KATNBL1: variants seen among roughly 807,000 people sequenced by gnomAD.
The protein encoded by KATNBL1 is katanin regulatory subunit B1 like 1.
In KATNBL1, 28 loss-of-function variants were observed where a neutral mutation model predicts 44.7. That is an observed-to-expected ratio of 0.63 (90% CI 0.46 to 0.86). The LOEUF (loss-of-function observed/expected upper bound fraction) is 0.86, where lower values mean the gene tolerates loss of function less well. Ranked by LOEUF, KATNBL1 falls within the 40% of genes least tolerant of loss-of-function variation. KATNBL1 has a pLI of 0.00. For missense variants in KATNBL1, 272 were observed against 350.7 expected, an observed-to-expected ratio of 0.78 and a Z score of 1.79; for synonymous variants, 78 against 114.9, an observed-to-expected ratio of 0.68 and a Z score of 2.06.
chr15:34,209,016 C>T (rs1890364135), intron 1 of KATNBL1: 1 of 152,194 alleles, frequency 6.6e-6, no homozygotes, highest in African/African-American at 2.4e-5. Flanking sequence ...CAAAGTAAAG[C>T]TCTTAATACG....
intron 5 of KATNBL1, among the ~76,000 whole-genome samples, chr15:34,147,668 A>G (rs1215196790): frequency 6.6e-6 from 1 of 152,188 alleles, no homozygotes; most frequent in African/African-American, 2.4e-5. Flanking sequence ...ATAACAAGAC[A>G]TAAGACATAT....
intron 4 of KATNBL1, among the ~76,000 whole-genome samples, chr15:34,149,054 A>T (rs1369818527): frequency 6.6e-6 from 1 of 152,234 alleles, no homozygotes; most frequent in Non-Finnish European, 1.5e-5. Flanking sequence ...AAATGTAAAC[A>T]TGTAGGCTAG....
rs987282301 is a variant in KATNBL1, at chr15:34,141,489, T to C, written c.*850A>G. ...AAATCTATGTACAATAAAAAGTAAA[T>C]ATAAATTAGCCAAGTCCATGGACAT... On this transcript the variant is annotated 3_prime_UTR_variant, in exon 10 of 10. Transcript: ENST00000256544. 6.6e-6 allele frequency: 1 copy of C among 152,520 alleles called. No homozygotes were observed. Among genetic ancestry groups the C allele is most frequent in the Non-Finnish European group, 1.5e-5 (1 of 67,972 alleles). 9.4% of individuals were successfully genotyped at this position (152,520 alleles called of 1,614,324 possible).
Position 34,188,131 on chromosome 15 carries a change from G to A in KATNBL1, c.-15+21820C>T, listed in dbSNP as rs183961967. Among the ~76,000 whole-genome samples, 196 of 19,674 alleles carry A rather than the reference G, an allele frequency of 1.0e-2. 3 individuals are homozygous for A. Among genetic ancestry groups the A allele is most frequent in the African/African-American group, 0.021 (189 of 9,006 alleles). 12.9% of individuals were successfully genotyped at this position (19,674 alleles called of 152,430 possible). ...TCCAGCCTGGGTGACAGAGGAAGAC[G>A]CCATGTAAAAAAAAAAAAAAAAAAA... is the stretch of plus-strand genomic sequence containing the variant. On this transcript the variant is annotated intron_variant, in intron 1 of 9. Coordinates refer to ENST00000256544, the MANE Select transcript of KATNBL1 (RefSeq NM_024713.3).
chr15:34,155,180 T>C (rs965728489), intron 2 of KATNBL1, among the ~76,000 whole-genome samples: 31 of 152,206 alleles, frequency 2.0e-4, no homozygotes, highest in Non-Finnish European at 3.7e-4. Context: ...AAGCTGAACA[T>C]ACTGACATAC....
chr15:34,194,781 T>C (rs1889986838), intron 1 of KATNBL1, among the ~76,000 whole-genome samples: 1 of 152,040 alleles, frequency 6.6e-6, no homozygotes, highest in Non-Finnish European at 1.5e-5. Flanking sequence ...AATAATCCCA[T>C]TAAAAAACAG....
intron 1 of KATNBL1, among the ~76,000 whole-genome samples, chr15:34,202,219 T>C (rs1390848530): frequency 2.0e-5 from 3 of 152,222 alleles, no homozygotes; most frequent in Admixed American, 2.0e-4. Flanking sequence ...TGAGAGGATA[T>C]ACCAATAAAG....
At chr15:34,206,737 G>A (rs1030311858) in intron 1 of KATNBL1, among the ~76,000 whole-genome samples, 3 of 151,468 alleles carry the variant, frequency 2.0e-5, no homozygotes, top group African/African-American at 7.3e-5. Context: ...GTTGTGGTGA[G>A]TCAAGATCTT....
At chr15:34,151,567 T>C (rs1196057797) in intron 4 of KATNBL1, among the ~76,000 whole-genome samples, 1 of 148,176 alleles carries the variant, frequency 6.7e-6, no homozygotes, top group Non-Finnish European at 1.5e-5. Context: ...TTCTTGAGCG[T>C]CAGCCTCCCA....
At chr15:34,193,395 G>A (rs12917397) in intron 1 of KATNBL1, among the ~76,000 whole-genome samples, 86,610 of 151,446 alleles carry the variant, frequency 0.57, 25,779 homozygotes, top group East Asian at 0.71. Flanking sequence ...TTAGGCAGGC[G>A]TGGTGGCATA....
intron 1 of KATNBL1, among the ~76,000 whole-genome samples, chr15:34,166,442 G>A (rs1254887431): frequency 6.6e-6 from 1 of 152,246 alleles, no homozygotes; most frequent in Non-Finnish European, 1.5e-5. Flanking sequence ...GGGGAAGCTC[G>A]AACTGGGCAG....
In KATNBL1 at chr15:34,209,984, GCCTCGGCGCT is replaced by G. The variant is rs1890394670; in HGVS notation, c.-58_-49del. On this transcript the variant is annotated 5_prime_UTR_variant, in exon 1 of 10. Transcript: ENST00000256544. ...CATGGTACCGCGGCGCCTCAGCCCA[GCCTCGGCGCT>G]GACGACCAGCGCCCGGCAGCCTAGA... The G allele has an allele frequency of 6.6e-6, 1 of 151,862 alleles. No homozygotes were observed. The highest frequency in any genetic ancestry group is 1.5e-5 in the Non-Finnish European group (1 of 67,938). The allele number at this position is 151,862 out of a possible 1,614,324, so 9.4% of individuals were successfully genotyped here.
At chr15:34,192,610 A>G (rs899007012) in intron 1 of KATNBL1, among the ~76,000 whole-genome samples, 4 of 152,168 alleles carry the variant, frequency 2.6e-5, no homozygotes, top group African/African-American at 9.7e-5. Context: ...ACTTTGTTTC[A>G]GTAAGTAATG....
At chr15:34,155,887 T>C (rs759103427) in intron 2 of KATNBL1, among the ~76,000 whole-genome samples, 36 of 152,212 alleles carry the variant, frequency 2.4e-4, no homozygotes, top group Non-Finnish European at 4.6e-4. Flanking sequence ...GGTCTTAAAT[T>C]TATTTGGTAC....
chr15:34,189,660 T>G (rs1034999329), intron 1 of KATNBL1, among the ~76,000 whole-genome samples: 2 of 152,208 alleles, frequency 1.3e-5, no homozygotes, highest in Non-Finnish European at 2.9e-5. Flanking sequence ...GACAGTTTCC[T>G]AAACAAAAAG....
intron 4 of KATNBL1, 139 bp from the exon 5 acceptor site, chr15:34,148,889 T>G: frequency 1.8e-6 from 1 of 570,994 alleles, no homozygotes; most frequent in Non-Finnish European, 3.2e-6. Flanking sequence ...AAAGGAATAC[T>G]GCAGTTGACC....
At chr15:34,163,947 C>A (rs1238532485) in intron 1 of KATNBL1, among the ~76,000 whole-genome samples, 1 of 151,002 alleles carries the variant, frequency 6.6e-6, no homozygotes, top group African/African-American at 2.4e-5. Flanking sequence ...GGCTGGAGTG[C>A]GATGGCACGA....
chr15:34,209,237 T>A (rs1890369278), intron 1 of KATNBL1: 1 of 152,224 alleles, frequency 6.6e-6, no homozygotes. Flanking sequence ...TTCTCGCAAG[T>A]GCTGAACTGA....
At chr15:34,189,594 GTCATTCATT>G (rs1889817109) in intron 1 of KATNBL1, among the ~76,000 whole-genome samples, 1 of 152,102 alleles carries the variant, frequency 6.6e-6, no homozygotes, top group South Asian at 2.1e-4. Flanking sequence ...CTATAAAATA[GTCATTCATT>G]TAACCAAAAT....
Sources: allele counts gnomAD v4.1 joint callset (sites outside exome capture counted in the v4.1 genomes callset), GRCh38; gene constraint gnomAD v4.1.1; transcripts MANE v1.5; gene names NCBI Gene and HGNC (gene_info 2026-07-23, HGNC 2026-07-21).